Variants in LPP observed in about 807,000 individuals in gnomAD.
LPP encodes LIM domain containing preferred translocation partner in lipoma.
In LPP, 38 loss-of-function variants were observed where a neutral mutation model predicts 60.4. That is an observed-to-expected ratio of 0.63 (90% CI 0.49 to 0.83). The LOEUF is 0.83. Among genes scored for constraint, LPP ranks in the 40% least tolerant of loss-of-function variants. The probability of loss-of-function intolerance (pLI) is 0.00; values close to 1 mark genes in which losing one functional copy is unlikely to be tolerated. For synonymous variants in LPP, 328 were observed against 290.8 expected (o/e 1.13, Z -1.30); for missense variants, 902 against 783.6 (o/e 1.15, Z -1.80).
chr3:188,824,566 A>T (rs1022063742), intron 9 of LPP, among the ~76,000 whole-genome samples: 14 of 151,986 alleles, frequency 9.2e-5, no homozygotes, highest in African/African-American at 3.4e-4. Flanking sequence ...TGGGGATGGT[A>T]TCACCTTGAG....
intron 8 of LPP, among the ~76,000 whole-genome samples, chr3:188,755,571 A>G (rs1470411924): frequency 2.6e-5 from 4 of 152,118 alleles, no homozygotes; most frequent in South Asian, 2.1e-4. Flanking sequence ...CAGGAGGCCA[A>G]GGTTGGAGGG....
chr3:188,292,285 G>T (rs1480385311), intron 2 of LPP, among the ~76,000 whole-genome samples: 1 of 152,176 alleles, frequency 6.6e-6, no homozygotes, highest in East Asian at 1.9e-4. Context: ...TATTACAGAG[G>T]GTTTCATGCT....
At chr3:188,186,004 A>C (rs1476645723) in intron 1 of LPP, among the ~76,000 whole-genome samples, 3 of 152,248 alleles carry the variant, frequency 2.0e-5, no homozygotes, top group Non-Finnish European at 4.4e-5. Flanking sequence ...AAGCTGGTGT[A>C]GGAAAGGAGT....
chr3:188,241,206 A>G (rs191127159), intron 2 of LPP, among the ~76,000 whole-genome samples: 1 of 152,316 alleles, frequency 6.6e-6, no homozygotes, highest in East Asian at 1.9e-4. Context: ...CTACTGATAT[A>G]GCATGAATCC....
At chr3:188,802,104 T>G (rs1312776012) in intron 9 of LPP, among the ~76,000 whole-genome samples, 2 of 152,216 alleles carry the variant, frequency 1.3e-5, no homozygotes. Flanking sequence ...ACTATGACTC[T>G]TATGTTTTCA....
chr3:188,393,958 C>CA (rs1400255260), intron 3 of LPP, among the ~76,000 whole-genome samples: 1 of 152,034 alleles, frequency 6.6e-6, no homozygotes, highest in Non-Finnish European at 1.5e-5. Flanking sequence ...TATGTTTTGC[C>CA]AAAGTGTGAT....
chr3:188,695,129 G>A (rs1862971166), intron 7 of LPP, among the ~76,000 whole-genome samples: 2 of 152,126 alleles, frequency 1.3e-5, no homozygotes, highest in Admixed American at 6.5e-5. Context: ...GATGAAATAA[G>A]TTACTCAATA....
chr3:188,537,734 A>G (rs1422054587), intron 6 of LPP, among the ~76,000 whole-genome samples: 3 of 152,196 alleles, frequency 2.0e-5, no homozygotes, highest in Non-Finnish European at 4.4e-5. Context: ...GCTTCTTTGT[A>G]AGAATTGACA....
chr3:188,810,063 T>C (rs1026690262), intron 9 of LPP, among the ~76,000 whole-genome samples: 11 of 152,214 alleles, frequency 7.2e-5, no homozygotes, highest in Admixed American at 7.2e-4. Context: ...CTGCCTCAGG[T>C]CTTTCGTGTG....
chr3:188,388,860 A>G (rs1412761178), intron 3 of LPP, among the ~76,000 whole-genome samples: 2 of 152,190 alleles, frequency 1.3e-5, no homozygotes, highest in Non-Finnish European at 1.5e-5. Context: ...TGTAGGCCAG[A>G]TGGTCTCTGT....
In LPP at chr3:188,410,537, G is replaced by A. The variant is rs1283114295; in HGVS notation, c.193+4224G>A. Among the ~76,000 whole-genome samples the A allele has an allele frequency of 2.0e-5, 3 of 152,108 alleles. No individual in the cohort carries two copies. The South Asian group carries it at 6.2e-4, about 32-fold the overall frequency. ...TTTGGCACACTGAAAAGTGGGGCAT[G>A]CTTTTTTTCCCAGTTAGTAGCTCTT... On this transcript the variant is annotated intron_variant, in intron 4 of 11. Coordinates refer to ENST00000617246, the MANE Select transcript of LPP (RefSeq NM_001375462.1).
chr3:188,689,001 A>G, intron 7 of LPP: 1 of 438,138 alleles, frequency 2.3e-6, no homozygotes, highest in Non-Finnish European at 4.4e-6. Context: ...CATCAGGGAA[A>G]GATTAAACGA....
At chr3:188,636,672 A>G (rs1161373754) in intron 7 of LPP, among the ~76,000 whole-genome samples, 1 of 152,072 alleles carries the variant, frequency 6.6e-6, no homozygotes, top group Non-Finnish European at 1.5e-5. Context: ...GACAGCTTTG[A>G]AGAGAGCAGT....
At chr3:188,578,862 G>T (rs1211517185) in intron 6 of LPP, among the ~76,000 whole-genome samples, 1 of 152,058 alleles carries the variant, frequency 6.6e-6, no homozygotes, top group Non-Finnish European at 1.5e-5. Flanking sequence ...CAAAGGTGAA[G>T]ACCCTTTCCC....
chr3:188,832,930 G>C (rs969972498), intron 9 of LPP, among the ~76,000 whole-genome samples: 1 of 152,164 alleles, frequency 6.6e-6, no homozygotes, highest in African/African-American at 2.4e-5. Flanking sequence ...AAGGACTGGA[G>C]GAAAATGTAT....
At chr3:188,425,821 T>C (rs969779632) in intron 4 of LPP, among the ~76,000 whole-genome samples, 4 of 152,200 alleles carry the variant, frequency 2.6e-5, no homozygotes, top group Admixed American at 1.3e-4. Context: ...TTATTGTGTC[T>C]ATTTGATTCT....
chr3:188,477,200 G>T (rs1272169290), intron 4 of LPP, among the ~76,000 whole-genome samples: 1 of 152,160 alleles, frequency 6.6e-6, no homozygotes, highest in Non-Finnish European at 1.5e-5. Context: ...TTGACATTCT[G>T]ATCCTTTGCT....
In LPP at chr3:188,609,432, A is replaced by G; in HGVS notation, c.701A>G (p.Tyr234Cys). The change falls in exon 7 of 12, where the codon TAT becomes TGT. Residue 234 changes from tyrosine to cysteine, a missense_variant. Physicochemically the swap from Tyr to Cys is radical, Grantham distance 194. Coordinates refer to ENST00000617246, the MANE Select transcript of LPP (RefSeq NM_001375462.1). The surrounding 1 kb of genome is among the most constrained non-coding windows in gnomAD (Gnocchi z 6.9). ...AAGTCAGCCCAGCCCAGCCCTCATT[A>G]TATGGCTGCCCCTTCATCAGGACAA... Reference protein sequence around the residue: ...QVKSAQPSPHYMAAPSSGQIY... With the variant: ...QVKSAQPSPHCMAAPSSGQIY... 6.2e-7 allele frequency: 1 copy of G among 1,614,100 alleles called. No homozygotes were observed. Among genetic ancestry groups the G allele is most frequent in the Non-Finnish European group, 8.5e-7 (1 of 1,180,002 alleles).
rs192885475 is a variant in LPP, at chr3:188,427,569, T to C, written c.193+21256T>C. Among the ~76,000 whole-genome samples the C allele has an allele frequency of 1.7e-3, 258 of 152,326 alleles. 2 individuals carry two copies. Among genetic ancestry groups the C allele is most frequent in the African/African-American group, 6.0e-3 (249 of 41,578 alleles). ...GAATTTGAATGTTGGCCTGTCTTCC[T>C]GGGTTGGGAAAGTTCTCCTTTCTTT... is the stretch of plus-strand genomic sequence containing the variant. On this transcript the variant is annotated intron_variant, in intron 4 of 11. Coordinates refer to ENST00000617246, the MANE Select transcript of LPP (RefSeq NM_001375462.1).
Sources: allele counts gnomAD v4.1 joint callset (sites outside exome capture counted in the v4.1 genomes callset), GRCh38; gene constraint gnomAD v4.1.1; non-coding constraint Gnocchi (gnomAD v3.1); transcripts MANE v1.5; gene names NCBI Gene and HGNC (gene_info 2026-07-23, HGNC 2026-07-21).